The following DGKI variants were observed in gnomAD, a reference collection of about 807,000 sequenced individuals.
The protein encoded by DGKI is diacylglycerol kinase iota, also known as DAG kinase iota.
In DGKI, 55 loss-of-function variants were observed where a neutral mutation model predicts 147.5. That is an observed-to-expected ratio of 0.37 (90% CI 0.30 to 0.47). The LOEUF (loss-of-function observed/expected upper bound fraction) is 0.47. DGKI is among the 20% of genes least tolerant of loss of function. The probability of loss-of-function intolerance (pLI) is 1.00; values close to 1 mark genes in which losing one functional copy is unlikely to be tolerated. For missense variants in DGKI, 1,007 were observed against 1,323.8 expected, an observed-to-expected ratio of 0.76 and a Z score of 3.71; for synonymous variants, 469 against 477.1, an observed-to-expected ratio of 0.98 and a Z score of 0.22.
intron 21 of DGKI, among the ~76,000 whole-genome samples, chr7:137,518,812 C>A (rs1816866326): frequency 6.6e-6 from 1 of 152,084 alleles, no homozygotes; most frequent in Admixed American, 6.6e-5. Context: ...AGAAATACAA[C>A]AGATTTTTAA....
At chr7:137,435,249 C>A (rs1813236445) in intron 28 of DGKI, among the ~76,000 whole-genome samples, 1 of 152,106 alleles carries the variant, frequency 6.6e-6, no homozygotes, top group Non-Finnish European at 1.5e-5. Flanking sequence ...CAACATTACC[C>A]ATGAGGAAAG....
intron 1 of DGKI, among the ~76,000 whole-genome samples, chr7:137,821,709 G>A (rs368165678): frequency 5.9e-4 from 90 of 152,102 alleles, no homozygotes; most frequent in Middle Eastern, 6.8e-3. Flanking sequence ...AAAAGAGACA[G>A]ATGACAACCT....
intron 6 of DGKI, among the ~76,000 whole-genome samples, chr7:137,638,471 T>C (rs1236306266): frequency 8.0e-6 from 1 of 124,680 alleles, no homozygotes; most frequent in Non-Finnish European, 1.6e-5. Flanking sequence ...TGTGTGTATA[T>C]ATGTGTGTAT....
intron 1 of DGKI, among the ~76,000 whole-genome samples, chr7:137,838,913 C>T (rs570736651): frequency 1.3e-5 from 2 of 152,336 alleles, no homozygotes; most frequent in East Asian, 1.9e-4. Flanking sequence ...GCATGCCAGC[C>T]GGCCATTGTC....
intron 16 of DGKI, among the ~76,000 whole-genome samples, 162 bp from the exon 17 acceptor site, chr7:137,577,446 T>C (rs189212775): frequency 1.3e-5 from 2 of 152,192 alleles, no homozygotes. Context: ...AGTTGTCAAG[T>C]TGAAATTTTT....
intron 1 of DGKI, among the ~76,000 whole-genome samples, chr7:137,833,261 G>A (rs1002804165): frequency 1.4e-4 from 22 of 152,204 alleles, no homozygotes; most frequent in South Asian, 4.2e-4. Flanking sequence ...AGACATACCC[G>A]AGACTGGGCA....
At chr7:137,620,680 C>T (rs1820715699) in intron 7 of DGKI, among the ~76,000 whole-genome samples, 1 of 152,168 alleles carries the variant, frequency 6.6e-6, no homozygotes, top group African/African-American at 2.4e-5. Context: ...ACGATCATAA[C>T]AATACCACAG....
At chr7:137,751,626 A>C (rs1795492354) in intron 1 of DGKI, among the ~76,000 whole-genome samples, 1 of 152,206 alleles carries the variant, frequency 6.6e-6, no homozygotes, top group African/African-American at 2.4e-5. Flanking sequence ...CACTTTTGAA[A>C]GTATGTAAAG....
chr7:137,775,896 T>C (rs1796348697), intron 1 of DGKI, among the ~76,000 whole-genome samples: 1 of 152,292 alleles, frequency 6.6e-6, no homozygotes, highest in East Asian at 1.9e-4. Flanking sequence ...TTCGCCCTTT[T>C]TGCCCAGGCT....
intron 19 of DGKI, among the ~76,000 whole-genome samples, chr7:137,565,035 T>C (rs113547289): frequency 1.3e-5 from 2 of 152,248 alleles, no homozygotes; most frequent in Admixed American, 1.3e-4. Context: ...TAATTTTTAG[T>C]AAGAGGCTTC....
chr7:137,720,250 C>CTTTTTTTTTTTTTT (rs552382033), intron 1 of DGKI, among the ~76,000 whole-genome samples: 4 of 88,218 alleles, frequency 4.5e-5, no homozygotes, highest in Non-Finnish European at 6.0e-5. Context: ...TTGAAAAAAT[C>CTTTTTTTTTTTTTT]TTTTTTTTTT....
intron 21 of DGKI, among the ~76,000 whole-genome samples, chr7:137,504,412 C>G (rs1816294051): frequency 6.6e-6 from 1 of 152,104 alleles, no homozygotes; most frequent in Admixed American, 6.6e-5. Context: ...TTCTCAGAAA[C>G]CACTGTGTTT....
chr7:137,724,267 T>C (rs1794656313), intron 1 of DGKI, among the ~76,000 whole-genome samples: 1 of 152,170 alleles, frequency 6.6e-6, no homozygotes, highest in Admixed American at 6.5e-5. Flanking sequence ...GAGGCATTTA[T>C]AGGCCATGGT....
At chr7:137,827,383 C>T (rs1483895611) in intron 1 of DGKI, among the ~76,000 whole-genome samples, 2 of 152,174 alleles carry the variant, frequency 1.3e-5, no homozygotes, top group Admixed American at 1.3e-4. Flanking sequence ...CCACTCTATC[C>T]TTATGCTCAA....
At position 137,618,151 on chromosome 7, in the gene DGKI, A is replaced by ATATATTTT; in HGVS notation, c.993+1672_993+1673insAAAATATA. On this transcript the variant is annotated intron_variant, in intron 8 of 32. Transcript: ENST00000614521. ...ACTATATATATATATATATATATATATTTTTTTTTTTTTACTCTATCATTC... is the reference window on the plus strand; with the variant it reads ...ACTATATATATATATATATATATATATATATTTTTTTTTTTTTTTTTACTCTATCATTC... Among the ~76,000 whole-genome samples the ATATATTTT allele has an allele frequency of 6.1e-3, 64 of 10,466 alleles. 4 individuals are homozygous for ATATATTTT. Among genetic ancestry groups the ATATATTTT allele is most frequent in the Non-Finnish European group, 0.012 (19 of 1,648 alleles). 6.9% of individuals were successfully genotyped at this position (10,466 alleles called of 152,430 possible).
chr7:137,463,950 G>A (rs1814551318), intron 26 of DGKI, among the ~76,000 whole-genome samples: 1 of 152,176 alleles, frequency 6.6e-6, no homozygotes, highest in African/African-American at 2.4e-5. Context: ...TCCTGGTTTA[G>A]TTCAGGGGAG....
At chr7:137,652,482 C>A (rs948397432) in intron 5 of DGKI, among the ~76,000 whole-genome samples, 1 of 152,136 alleles carries the variant, frequency 6.6e-6, no homozygotes, top group African/African-American at 2.4e-5. Context: ...CTTGAAACAA[C>A]CCCTTCTAGT....
chr7:137,714,570 T>C (rs544629117), intron 1 of DGKI, among the ~76,000 whole-genome samples: 111 of 152,248 alleles, frequency 7.3e-4, no homozygotes, highest in Non-Finnish European at 1.2e-3. Context: ...CCATGGTAGA[T>C]CTTGGTTTAT....
chr7:137,780,296 G>A (rs906649759), intron 1 of DGKI, among the ~76,000 whole-genome samples: 1 of 152,162 alleles, frequency 6.6e-6, no homozygotes, highest in African/African-American at 2.4e-5. Flanking sequence ...ATGAGGAATG[G>A]TATTTAGAGT....
Sources: allele counts gnomAD v4.1 joint callset (sites outside exome capture counted in the v4.1 genomes callset), GRCh38; gene constraint gnomAD v4.1.1; transcripts MANE v1.5; gene names NCBI Gene and HGNC (gene_info 2026-07-23, HGNC 2026-07-21).